The following COX15 variants were observed in gnomAD, a reference collection of about 807,000 sequenced individuals.
COX15 encodes cytochrome c oxidase assembly factor COX15.
In COX15, 51 loss-of-function variants were observed where a neutral mutation model predicts 51.9. That is an observed-to-expected ratio of 0.98 (90% CI 0.78 to 1.24). COX15 has a LOEUF of 1.24. COX15 is among the 50% of genes most tolerant of loss of function. The pLI is 0.00. For synonymous variants in COX15, 188 were observed against 190.5 expected (o/e 0.99, Z 0.11); for missense variants, 420 against 501.1 (o/e 0.84, Z 1.55).
chr10:99,694,531 TTTTTTTG>T, the COX15 span, among the ~76,000 whole-genome samples: 7 of 59,020 alleles, frequency 1.2e-4, no homozygotes, highest in Non-Finnish European at 2.6e-4. Flanking sequence ...TGTACATAAG[TTTTTTTG>T]TTTTTTTTTT....
At position 99,718,393 on chromosome 10, in the gene COX15, T is replaced by C; in HGVS notation, c.940A>G (p.Asn314Asp). ...DLFTFSPILR[N>D]VFENPTMVQF... ...ACCATGGTGGGATTCTCAAAAACAT[T>C]CCTCAGGATGGGGGAGAAGGTAAAG... Residue 314 changes from asparagine to aspartate, a missense_variant, in exon 7 of 9, where the codon AAT becomes GAT. Asn to Asp is a conservative substitution (Grantham distance 23, BLOSUM62 1). Coordinates refer to ENST00000016171, the MANE Select transcript of COX15 (RefSeq NM_078470.6). The C allele has an allele frequency of 6.2e-7, 1 of 1,613,882 alleles. No homozygotes were observed. The highest frequency in any genetic ancestry group is 8.5e-7 in the Non-Finnish European group (1 of 1,179,966).
At position 99,712,622 on chromosome 10, in the gene COX15, T is replaced by A; in HGVS notation, c.*1965A>T. On this transcript the variant is annotated 3_prime_UTR_variant, in exon 9 of 9. Coordinates refer to ENST00000016171, the MANE Select transcript of COX15 (RefSeq NM_078470.6). ...AAATAAACTTAAGATAAGCTTATTT[T>A]CCTTATTTCAAAAAGCAAAACAAAA... The A allele has an allele frequency of 2.0e-6, 2 of 984,070 alleles. No homozygotes were observed. The highest frequency in any genetic ancestry group is 2.4e-6 in the Non-Finnish European group (2 of 828,756). The allele number at this position is 984,070 out of a possible 1,614,324, so 61.0% of individuals were successfully genotyped here.
Position 99,718,475 on chromosome 10 carries a change from A to C in COX15, c.858T>G (p.Ala286=). Residue 286 remains alanine (A), a synonymous_variant, in exon 7 of 9, where the codon GCT becomes GCG. Transcript: ENST00000016171. ...LSGAFVAGLD[A]GLVYNSFPKM... is the part of the protein sequence containing the mutation. ...TGGGAAAGGAGTTATAAACAAGCCCAGCATCTAGCCCTGCCACAAAAGCCC... is the reference window on the plus strand; with the variant it reads ...TGGGAAAGGAGTTATAAACAAGCCCCGCATCTAGCCCTGCCACAAAAGCCC... The C allele has an allele frequency of 6.2e-7, 1 of 1,614,206 alleles. No individual in the cohort carries two copies. Among genetic ancestry groups the C allele is most frequent in the Non-Finnish European group, 8.5e-7 (1 of 1,180,022 alleles).
chr10:99,729,826 A>G (rs2037081808), intron 1 of COX15, 92 bp from the exon 2 acceptor site: 1 of 1,207,272 alleles, frequency 8.3e-7, no homozygotes, highest in Non-Finnish European at 1.2e-6. Context: ...GAAGTACCAT[A>G]GCATCCCCAC....
At chr10:99,724,507 G>C (rs2036883700) in intron 4 of COX15, among the ~76,000 whole-genome samples, 1 of 152,032 alleles carries the variant, frequency 6.6e-6, no homozygotes, top group Admixed American at 6.6e-5. Flanking sequence ...CTGAGGAAAT[G>C]AGCTATCAGG....
At position 99,724,069 on chromosome 10, in the gene COX15, G is replaced by A. The variant is rs776960690; in HGVS notation, c.637C>T (p.His213Tyr). Residue 213 changes from histidine (H) to tyrosine (Y), a missense_variant, in exon 5 of 9, where the codon CAT (histidine) becomes TAT (tyrosine). Coordinates refer to ENST00000016171, the MANE Select transcript of COX15 (RefSeq NM_078470.6). ...KSGLEEKSDSHDIPRVSQYRL... is the reference protein window; with the variant it reads ...KSGLEEKSDSYDIPRVSQYRL... ...TACTGACTGACCCGAGGGATGTCAT[G>A]GGAGTCTGATTTTTCTTCTAGTCCA... The A allele has an allele frequency of 2.5e-6, 4 of 1,613,964 alleles. No individual in the cohort carries two copies. The highest frequency in any genetic ancestry group is 3.4e-6 in the Non-Finnish European group (4 of 1,179,988).
chr10:99,713,524 C>T lies in COX15; in HGVS notation c.*1063G>A. Reference sequence around the variant, plus strand: ...ACCAAAATCACATTAATTCAGCAGTCAACAATTTGTTTATCTGGGTAGATG... The same window carrying T: ...ACCAAAATCACATTAATTCAGCAGTTAACAATTTGTTTATCTGGGTAGATG... On this transcript the variant is annotated 3_prime_UTR_variant, in exon 9 of 9. Transcript: ENST00000016171. The T allele has an allele frequency of 6.3e-7, 1 of 1,584,904 alleles. No individual in the cohort carries two copies. Among genetic ancestry groups the T allele is most frequent in the Non-Finnish European group, 8.6e-7 (1 of 1,164,378 alleles).
chr10:99,710,342 A>T, downstream of COX15: 1 of 985,266 alleles, frequency 1.0e-6, no homozygotes, highest in Non-Finnish European at 1.2e-6. Context: ...TTCCACAATT[A>T]CCCTTTAGTT....
rs959607481 is a variant in COX15 at position 99,711,049 on chromosome 10, C to A, written c.*3538G>T. 4 of 984,884 alleles carry A rather than the reference C, an allele frequency of 4.1e-6. No homozygotes were observed. The Admixed American group carries it at 2.5e-4, about 61-fold the overall frequency. 61.0% of individuals were successfully genotyped at this position (984,884 alleles called of 1,614,324 possible). A position where few individuals can be genotyped will look rare whatever the true frequency, so the allele number is the denominator to read the frequency against. ...ATTATCCATTTTCCATTCATGCATTCACTAATTCAATATTTGATATGTGTC... is the reference window on the plus strand; with the variant it reads ...ATTATCCATTTTCCATTCATGCATTAACTAATTCAATATTTGATATGTGTC... On this transcript the variant is annotated 3_prime_UTR_variant, in exon 9 of 9. Transcript: ENST00000016171.
downstream of COX15, chr10:99,709,887 T>C: frequency 2.0e-6 from 2 of 985,494 alleles, no homozygotes; most frequent in Non-Finnish European, 2.4e-6. Flanking sequence ...TTTGTTTCTC[T>C]GAAAATCTGA....
downstream of COX15, among the ~76,000 whole-genome samples, chr10:99,707,658 T>G (rs556797018): frequency 4.3e-4 from 65 of 152,338 alleles, no homozygotes; most frequent in African/African-American, 1.5e-3. Context: ...CTCTTGTTAT[T>G]ACTGAGACAG....
chr10:99,701,032 A>T, the COX15 span: 1 of 1,614,108 alleles, frequency 6.2e-7, no homozygotes, highest in Non-Finnish European at 8.5e-7. Flanking sequence ...GCCTCTTTTC[A>T]TCACATGCAG....
Position 99,714,529 on chromosome 10 carries a change from T to A in COX15, c.*58A>T, listed in dbSNP as rs1295319182. ...TCTCGTAGAAAAGCCCAAGTTCTTA[T>A]GATCTCTGAAGAGCTCTCAAAAGCA... On this transcript the variant is annotated 3_prime_UTR_variant, in exon 9 of 9. Coordinates refer to ENST00000016171, the MANE Select transcript of COX15 (RefSeq NM_078470.6). 19 of 1,612,780 alleles carry A rather than the reference T, an allele frequency of 1.2e-5. No individual in the cohort carries two copies. The highest frequency in any genetic ancestry group is 1.5e-5 in the Non-Finnish European group (18 of 1,179,660).
At chr10:99,695,107 A>G in the COX15 span, among the ~76,000 whole-genome samples, 1 of 152,224 alleles carries the variant, frequency 6.6e-6, no homozygotes, top group African/African-American at 2.4e-5. Flanking sequence ...TGATTAATTC[A>G]GCCTCTGCCC....
intron 5 of COX15, chr10:99,722,887 G>A (rs2036820854): frequency 6.6e-6 from 1 of 152,032 alleles, no homozygotes; most frequent in East Asian, 1.9e-4. Context: ...TTGAAAGTCA[G>A]GAGACTTTCA....
rs2231678 is a variant in COX15 at position 99,732,072 on chromosome 10, C to A, written c.-23G>T. 1.5e-3 allele frequency: 2,405 copies of A among 1,608,168 alleles called. 6 individuals carry two copies. In the African/African-American group the frequency reaches 0.024, roughly 16 times the overall value. On this transcript the variant is annotated 5_prime_UTR_variant, in exon 1 of 9. The change creates a new upstream start codon in the 5' untranslated region. Coordinates refer to ENST00000016171, the MANE Select transcript of COX15 (RefSeq NM_078470.6). ...CATACTGATGACAGGGAACAGCCAC[C>A]TCTTCCACAACCCAGGGCTCTGTGG...
downstream of COX15, among the ~76,000 whole-genome samples, chr10:99,706,592 C>G (rs2036258807): frequency 6.6e-6 from 1 of 152,148 alleles, no homozygotes; most frequent in South Asian, 2.1e-4. Flanking sequence ...ACCTCAGCCT[C>G]CCAAAGTGCT....
intron 4 of COX15, 142 bp from the exon 5 acceptor site, chr10:99,724,265 C>A (rs2036875074): frequency 5.5e-6 from 5 of 906,990 alleles, no homozygotes; most frequent in Non-Finnish European, 6.9e-6. Context: ...TCACTGCAAT[C>A]TCCGCCTCCC....
chr10:99,702,424 C>T, the COX15 span: 1 of 1,187,934 alleles, frequency 8.4e-7, no homozygotes, highest in African/African-American at 1.6e-5. Flanking sequence ...CTTTTAATAA[C>T]TTGTGGGAAT....
Sources: allele counts gnomAD v4.1 joint callset (sites outside exome capture counted in the v4.1 genomes callset), GRCh38; gene constraint gnomAD v4.1.1; transcripts MANE v1.5; gene names NCBI Gene and HGNC (gene_info 2026-07-23, HGNC 2026-07-21).